OR52N5: variants seen among roughly 807,000 people sequenced by gnomAD.
The protein encoded by OR52N5 is olfactory receptor 52N5.
A neutral mutation model predicts 14.1 loss-of-function variants in OR52N5; 10 were observed. The observed-to-expected ratio is 0.71, with a 90% CI of 0.44 to 1.20. The LOEUF (loss-of-function observed/expected upper bound fraction) is 1.20. OR52N5 is among the 50% of genes most tolerant of loss of function. The pLI, the probability that OR52N5 is intolerant of heterozygous loss-of-function variation, is 0.00. For synonymous variants in OR52N5, 116 were observed against 143.0 expected (o/e 0.81, Z 1.35); for missense variants, 361 against 403.2 (o/e 0.90, Z 0.90).
rs759636818 is a variant in OR52N5 at position 5,776,629 on chromosome 11, G to A, written c.*1031C>T. The A allele has an allele frequency of 2.9e-5, 4 of 140,126 alleles. No individual in the cohort carries two copies. Among genetic ancestry groups the A allele is most frequent in the East Asian group, 2.1e-4 (1 of 4,856 alleles). The allele number at this position is 140,126 out of a possible 1,614,324, so 8.7% of individuals were successfully genotyped here. On this transcript the variant is annotated 3_prime_UTR_variant, in exon 3 of 3. Coordinates refer to ENST00000641181, the MANE Select transcript of OR52N5 (RefSeq NM_001385662.1). ...AAAAGTTGTGTGAATTCATACCAACGACTTGATTAAAACGGGCAATGTAAC... is the reference window on the plus strand; with the variant it reads ...AAAAGTTGTGTGAATTCATACCAACAACTTGATTAAAACGGGCAATGTAAC...
chr11:5,778,421 CA>C lies in OR52N5; in HGVS notation c.213del (p.Phe71LeufsTer59), dbSNP rs769752204. 3,961 of 1,286,852 alleles carry C rather than the reference CA, an allele frequency of 3.1e-3. 13 individuals are homozygous for C. Among genetic ancestry groups the C allele is most frequent in the South Asian group, 3.6e-3 (251 of 69,882 alleles). 79.7% of individuals were successfully genotyped at this position (1,286,852 alleles called of 1,614,324 possible). On this transcript the variant is annotated frameshift_variant, in exon 3 of 3. Transcript: ENST00000641181. LOFTEE classifies it high-confidence loss of function. ...AGGTCAATGAGGGAGAGAGCATGGCCAAAAAAAAAATACATCGGATGATGTA... is the reference window on the plus strand; with the variant it reads ...AGGTCAATGAGGGAGAGAGCATGGCCAAAAAAAAATACATCGGATGATGTA... The part of the protein sequence containing the change: ...ESLHHPMYFF[F>X]GHALSLIDLL...
At chr11:5,778,749 C>T (rs1854525126) in intron 2 of OR52N5, 92 bp from the exon 3 acceptor site, 1 of 653,226 alleles carries the variant, frequency 1.5e-6, no homozygotes, top group Non-Finnish European at 2.5e-6. Context: ...TATAATGGCA[C>T]CAACAATTAT....
chr11:5,779,712 C>G (rs774008374), intron 2 of OR52N5, among the ~76,000 whole-genome samples: 1 of 139,714 alleles, frequency 7.2e-6, no homozygotes, highest in Admixed American at 7.4e-5. Context: ...TTTATTATGT[C>G]TAAGACTACA....
chr11:5,780,188 A>T (rs1320762207), intron 2 of OR52N5, among the ~76,000 whole-genome samples: 2 of 139,828 alleles, frequency 1.4e-5, no homozygotes, highest in African/African-American at 5.2e-5. Context: ...TATGACATTT[A>T]ATAAAAGGAA....
Position 5,778,387 on chromosome 11 carries a change from C to T in OR52N5, c.248G>A (p.Cys83Tyr), listed in dbSNP as rs371343173. The change falls in exon 3 of 3, where the codon TGC becomes TAC. Residue 83 changes from cysteine to tyrosine, a missense_variant. Coordinates refer to ENST00000641181, the MANE Select transcript of OR52N5 (RefSeq NM_001385662.1). ...GAGTGCATTGGGTAGAGTGGTGGTG[C>T]AGGTAAGGAGGTCAATGAGGGAGAG... ...HALSLIDLLTCTTTLPNALCI... is the reference protein window; with the variant it reads ...HALSLIDLLTYTTTLPNALCI... 6 of 1,518,472 alleles carry T rather than the reference C, an allele frequency of 4.0e-6. 2 individuals are homozygous for T. Among genetic ancestry groups the T allele is most frequent in the Admixed American group, 3.6e-5 (2 of 55,250 alleles). 94.1% of individuals were successfully genotyped at this position (1,518,472 alleles called of 1,614,324 possible).
chr11:5,780,287 G>C (rs917019698), intron 2 of OR52N5, among the ~76,000 whole-genome samples: 1 of 138,982 alleles, frequency 7.2e-6, no homozygotes, highest in East Asian at 2.1e-4. Context: ...GCATTATATA[G>C]TCAATGTAGT....
At chr11:5,780,822 G>A (rs1011352790) in intron 2 of OR52N5, among the ~76,000 whole-genome samples, 1 of 139,996 alleles carries the variant, frequency 7.1e-6, no homozygotes, top group African/African-American at 2.6e-5. Flanking sequence ...AATAAATGGT[G>A]TTGGGAAAAC....
rs771217355 is a variant in OR52N5, at chr11:5,778,030, T to C, written c.605A>G (p.Lys202Arg). 2 of 1,521,370 alleles carry C rather than the reference T, an allele frequency of 1.3e-6. No homozygotes were observed. Among genetic ancestry groups the C allele is most frequent in the Non-Finnish European group, 1.8e-6 (2 of 1,114,380 alleles). The allele number at this position is 1,521,370 out of a possible 1,614,324, so 94.2% of individuals were successfully genotyped here. A position where few individuals can be genotyped will look rare whatever the true frequency, so the allele number is the denominator to read the frequency against. ...CATTAGACCATAGATTACATTGACCTTGATGCTGGCACAAGATAGCTTTAC... is the reference window on the plus strand; with the variant it reads ...CATTAGACCATAGATTACATTGACCCTGATGCTGGCACAAGATAGCTTTAC... ...SVVKLSCASI[K>R]VNVIYGLMVA... The change falls in exon 3 of 3, where the codon AAG becomes AGG. Residue 202 changes from lysine to arginine, a missense_variant. Physicochemically the swap from Lys to Arg is conservative, Grantham distance 26. Transcript: ENST00000641181.
chr11:5,778,457 C>T lies in OR52N5; in HGVS notation c.178G>A (p.Glu60Lys). The T allele has an allele frequency of 6.6e-7, 1 of 1,516,298 alleles. No individual in the cohort carries two copies. Among genetic ancestry groups the T allele is most frequent in the Non-Finnish European group, 9.0e-7 (1 of 1,110,648 alleles). The allele number at this position is 1,516,298 out of a possible 1,614,324, so 93.9% of individuals were successfully genotyped here. A position where few individuals can be genotyped will look rare whatever the true frequency, so the allele number is the denominator to read the frequency against. Reference protein sequence around the residue: ...NLGLVYLIYYEESLHHPMYFF... With the variant: ...NLGLVYLIYYKESLHHPMYFF... ...TACATCGGATGATGTAAGGACTCCT[C>T]ATAATAAATGAGGTACACAAGACCA... Residue 60 changes from glutamate to lysine, a missense_variant, in exon 3 of 3, where the codon GAG becomes AAG. Glu to Lys is a moderately conservative substitution (Grantham distance 56). Transcript: ENST00000641181.
chr11:5,779,177 C>T (rs1854528774), intron 2 of OR52N5, among the ~76,000 whole-genome samples: 1 of 140,080 alleles, frequency 7.1e-6, no homozygotes, highest in South Asian at 2.3e-4. Context: ...AACTGTGTGA[C>T]TTGATAAGCT....
chr11:5,777,803 T>A lies in OR52N5; in HGVS notation c.832A>T (p.Ile278Phe), dbSNP rs765318342. 13 of 1,519,998 alleles carry A rather than the reference T, an allele frequency of 8.6e-6. 4 individuals are homozygous for A. The Admixed American group carries it at 2.3e-4, about 27-fold the overall frequency. The allele number at this position is 1,519,998 out of a possible 1,614,324, so 94.2% of individuals were successfully genotyped here. A position where few individuals can be genotyped will look rare whatever the true frequency, so the allele number is the denominator to read the frequency against. The change falls in exon 3 of 3, where the codon ATT becomes TTT. Residue 278 changes from isoleucine to phenylalanine, a missense_variant. Coordinates refer to ENST00000641181, the MANE Select transcript of OR52N5 (RefSeq NM_001385662.1). Reference protein sequence around the residue: ...FFAHRFGGHTIPPSLHIIVAN... With the variant: ...FFAHRFGGHTFPPSLHIIVAN... ...ACAATGATGTGAAGAGAAGGGGGAA[T>A]TGTGTGTCCCCCAAAACGGTGGGCA...
At position 5,781,732 on chromosome 11, in the gene OR52N5, A is replaced by C. The variant is rs1258647829; in HGVS notation, c.-223T>G. The C allele has an allele frequency of 3.6e-5, 5 of 140,454 alleles. 2 individuals are homozygous for C. The highest frequency in any genetic ancestry group is 1.3e-4 in the African/African-American group (5 of 38,394). 8.7% of individuals were successfully genotyped at this position (140,454 alleles called of 1,614,324 possible). ...TGGGCAGCCATTTGACACAAAATAC[A>C]TGTAGCATCCATGGTTGCCTCTGGC... On this transcript the variant is annotated 5_prime_UTR_variant, in exon 2 of 3. The change abolishes an upstream ATG in the 5' untranslated region. Coordinates refer to ENST00000641181, the MANE Select transcript of OR52N5 (RefSeq NM_001385662.1).
At chr11:5,779,756 A>G (rs1854534288) in intron 2 of OR52N5, among the ~76,000 whole-genome samples, 1 of 139,596 alleles carries the variant, frequency 7.2e-6, no homozygotes, top group South Asian at 2.4e-4. Flanking sequence ...TGCCCAAAAT[A>G]GACTTTACCT....
intron 2 of OR52N5, among the ~76,000 whole-genome samples, chr11:5,780,108 G>A (rs912206686): frequency 1.4e-5 from 2 of 139,922 alleles, no homozygotes; most frequent in Non-Finnish European, 3.2e-5. Context: ...TTTTGAAGAT[G>A]TTTTAATCCA....
chr11:5,780,361 G>A (rs1371498889), intron 2 of OR52N5, among the ~76,000 whole-genome samples: 1 of 139,042 alleles, frequency 7.2e-6, no homozygotes, highest in East Asian at 2.1e-4. Flanking sequence ...AGTCTATGTT[G>A]ACTTTTCTCA....
At position 5,779,710 on chromosome 11, in the gene OR52N5, G is replaced by A. The variant is rs546078857; in HGVS notation, c.-23-1053C>T. Among the ~76,000 whole-genome samples the A allele has an allele frequency of 7.2e-5, 10 of 139,378 alleles. 1 individual carries two copies. The highest frequency in any genetic ancestry group is 4.7e-4 in the South Asian group (2 of 4,254). The allele number at this position is 139,378 out of a possible 152,430, so 91.4% of individuals were successfully genotyped here. A position where few individuals can be genotyped will look rare whatever the true frequency, so the allele number is the denominator to read the frequency against. On this transcript the variant is annotated intron_variant, in intron 2 of 2. Coordinates refer to ENST00000641181, the MANE Select transcript of OR52N5 (RefSeq NM_001385662.1). ...ATCCATAAAATTTTACATTTATTATGTCTAAGACTACACTTATTGCTTTAA... is the reference window on the plus strand; with the variant it reads ...ATCCATAAAATTTTACATTTATTATATCTAAGACTACACTTATTGCTTTAA...
chr11:5,778,657 C>A lies in OR52N5; in HGVS notation c.-23G>T, dbSNP rs1338935815. The A allele has an allele frequency of 3.0e-6, 4 of 1,354,492 alleles. 1 individual carries two copies. The highest frequency in any genetic ancestry group is 5.0e-5 in the Admixed American group (2 of 40,242). 83.9% of individuals were successfully genotyped at this position (1,354,492 alleles called of 1,614,324 possible). A position where few individuals can be genotyped will look rare whatever the true frequency, so the allele number is the denominator to read the frequency against. ...CATTCTATTTTTCCAGAAGTTTCAT[C>A]CTGAAGAGAAGGAATTATGAAACAA... On this transcript the variant is annotated splice_region_variant and 5_prime_UTR_variant, in exon 3 of 3. Transcript: ENST00000641181.
At position 5,777,703 on chromosome 11, in the gene OR52N5, T is replaced by C. The variant is rs370789973; in HGVS notation, c.932A>G (p.Lys311Arg). 4 of 1,505,524 alleles carry C rather than the reference T, an allele frequency of 2.7e-6. 1 individual carries two copies. Among genetic ancestry groups the C allele is most frequent in the African/African-American group, 1.4e-5 (1 of 69,822 alleles). 93.3% of individuals were successfully genotyped at this position (1,505,524 alleles called of 1,614,324 possible). The change falls in exon 3 of 3, where the codon AAG becomes AGG. Residue 311 changes from lysine to arginine, a missense_variant. Transcript: ENST00000641181. Reference sequence around the variant, plus strand: ...ACCCTGGAAGAACTTTATGACACTCTTGCGTATCTGTTTTGTCTTTACTCC... The same window carrying C: ...ACCCTGGAAGAACTTTATGACACTCCTGCGTATCTGTTTTGTCTTTACTCC... The part of the protein sequence containing the change: ...VYGVKTKQIR[K>R]SVIKFFQGDK...
chr11:5,779,705 A>G (rs1854533707), intron 2 of OR52N5, among the ~76,000 whole-genome samples: 1 of 139,656 alleles, frequency 7.2e-6, no homozygotes, highest in Admixed American at 7.4e-5. Flanking sequence ...TTTTACATTT[A>G]TTATGTCTAA....
Sources: allele counts gnomAD v4.1 joint callset (sites outside exome capture counted in the v4.1 genomes callset), GRCh38; gene constraint gnomAD v4.1.1; transcripts MANE v1.5; gene names NCBI Gene and HGNC (gene_info 2026-07-23, HGNC 2026-07-21).